ASB5: variants seen among roughly 807,000 people sequenced by gnomAD.
ASB5 encodes ankyrin repeat and SOCS box containing 5, also known as ankyrin repeat and SOCS box protein 5.
A neutral mutation model predicts 42.1 loss-of-function variants in ASB5; 45 were observed. That is an observed-to-expected ratio of 1.07 (90% CI 0.84 to 1.37). ASB5 has a LOEUF of 1.37. ASB5 is among the 40% of genes most tolerant of loss of function. The pLI is 0.00. For missense variants in ASB5, 402 were observed against 399.8 expected, an observed-to-expected ratio of 1.01 and a Z score of -0.05; for synonymous variants, 147 against 150.6, an observed-to-expected ratio of 0.98 and a Z score of 0.18.
chr4:176,242,719 T>A (rs1235638843), intron 1 of ASB5, among the ~76,000 whole-genome samples: 2 of 152,214 alleles, frequency 1.3e-5, no homozygotes, highest in Admixed American at 6.5e-5. Flanking sequence ...TTTTTCACTT[T>A]ATTAATTTCT....
In ASB5 at chr4:176,231,248, A is replaced by G. The variant is rs144960935; in HGVS notation, c.197-5907T>C. Among the ~76,000 whole-genome samples, 1,492 of 152,070 alleles carry G rather than the reference A, an allele frequency of 9.8e-3. 11 individuals are homozygous for G. The highest frequency in any genetic ancestry group is 0.034 in the Middle Eastern group (10 of 294). On this transcript the variant is annotated intron_variant, in intron 1 of 6. Transcript: ENST00000296525. ...TAATTTTTTTTTTTTTTTATCAGCA[A>G]GAAAAGAAAAAATCACTTGTCATTT... is the stretch of plus-strand genomic sequence containing the variant.
chr4:176,224,941 T>A (rs139691246), intron 2 of ASB5, among the ~76,000 whole-genome samples: 171 of 152,370 alleles, frequency 1.1e-3, no homozygotes, highest in Non-Finnish European at 1.9e-3. Context: ...TGTAATTAGC[T>A]GCACATATTG....
chr4:176,217,839 A>T (rs1753016136), intron 5 of ASB5, among the ~76,000 whole-genome samples: 1 of 152,002 alleles, frequency 6.6e-6, no homozygotes, highest in African/African-American at 2.4e-5. Flanking sequence ...AAAAATGCAT[A>T]AGTTCTTTTC....
chr4:176,244,311 A>T (rs750594525), intron 1 of ASB5, among the ~76,000 whole-genome samples: 12 of 152,234 alleles, frequency 7.9e-5, no homozygotes, highest in Non-Finnish European at 1.6e-4. Flanking sequence ...TTGGGGTGAT[A>T]CATGCTTCAT....
At chr4:176,247,777 G>T (rs1381930274) in intron 1 of ASB5, among the ~76,000 whole-genome samples, 1 of 152,148 alleles carries the variant, frequency 6.6e-6, no homozygotes, top group Admixed American at 6.5e-5. Flanking sequence ...CTTAATCAAA[G>T]TGGAAAGGAT....
At chr4:176,227,686 G>T (rs1239074912) in intron 1 of ASB5, among the ~76,000 whole-genome samples, 1 of 152,018 alleles carries the variant, frequency 6.6e-6, no homozygotes, top group Non-Finnish European at 1.5e-5. Flanking sequence ...CTTGCCTAAG[G>T]TCACACAGCT....
At position 176,256,213 on chromosome 4, in the gene ASB5, A is replaced by G. The variant is rs376497475; in HGVS notation, c.196+12700T>C. Reference sequence around the variant, plus strand: ...GAGGCTGAGATTCACACCTGCCTACATCACATAGGAGAAAGCTAGCATCTC... The same window carrying G: ...GAGGCTGAGATTCACACCTGCCTACGTCACATAGGAGAAAGCTAGCATCTC... On this transcript the variant is annotated intron_variant, in intron 1 of 6. Coordinates refer to ENST00000296525, the MANE Select transcript of ASB5 (RefSeq NM_080874.4). Among the ~76,000 whole-genome samples the G allele has an allele frequency of 9.2e-5, 14 of 152,350 alleles. No homozygotes were observed. In the East Asian group the frequency reaches 2.5e-3, roughly 27 times the overall value.
rs980484232 is a variant in ASB5, at chr4:176,268,634, A to T, written c.196+279T>A. ...TTAACTTTTTAAAATGTTTCTTAAT[A>T]GGAATAGATATATTTCTATTACATA... On this transcript the variant is annotated intron_variant, in intron 1 of 6. Transcript: ENST00000296525. Among the ~76,000 whole-genome samples, 14 of 152,246 alleles carry T rather than the reference A, an allele frequency of 9.2e-5. No homozygotes were observed. In the South Asian group the frequency reaches 2.9e-3, roughly 32 times the overall value.
At chr4:176,223,052 A>G (rs1033744414) in intron 2 of ASB5, among the ~76,000 whole-genome samples, 8 of 152,152 alleles carry the variant, frequency 5.3e-5, no homozygotes, top group Non-Finnish European at 1.2e-4. Flanking sequence ...TGCTGGAATT[A>G]CAGGTGTGAG....
At chr4:176,223,213 T>C (rs6814870) in intron 2 of ASB5, among the ~76,000 whole-genome samples, 136,842 of 152,222 alleles carry the variant, frequency 0.9, 61,738 homozygotes, top group Non-Finnish European at 0.94. Flanking sequence ...TGGTTAAGAA[T>C]TCTGACTATA....
In ASB5 at chr4:176,256,052, T is replaced by C. The variant is rs1224272252; in HGVS notation, c.196+12861A>G. Among the ~76,000 whole-genome samples the C allele has an allele frequency of 1.3e-5, 2 of 152,208 alleles. 1 individual carries two copies. Among genetic ancestry groups the C allele is most frequent in the African/African-American group, 4.8e-5 (2 of 41,454 alleles). On this transcript the variant is annotated intron_variant, in intron 1 of 6. Transcript: ENST00000296525. ...TATGTCCTGAAACTTTTAGGGGCTG[T>C]CATATATGGCTGTGTTATTCAAAAA...
At chr4:176,275,048 G>A (rs532263279) in intron 2 of ASB5, among the ~76,000 whole-genome samples, 2 of 151,372 alleles carry the variant, frequency 1.3e-5, no homozygotes, top group African/African-American at 2.4e-5. Flanking sequence ...CTGAGTACCT[G>A]GGATTACAGG....
chr4:176,267,030 C>G (rs1288182327), intron 1 of ASB5, among the ~76,000 whole-genome samples: 2 of 152,124 alleles, frequency 1.3e-5, no homozygotes, highest in Admixed American at 1.3e-4. Context: ...ATGGCCTCCT[C>G]TAAAACTCTT....
intron 1 of ASB5, among the ~76,000 whole-genome samples, chr4:176,233,465 CTCTTAAGATTAGCTAG>C (rs1314523519): frequency 6.6e-6 from 1 of 152,170 alleles, no homozygotes; most frequent in Non-Finnish European, 1.5e-5. Flanking sequence ...CAGCATCTTT[CTCTTAAGATTAGCTAG>C]TCTTTTTTCA....
Position 176,221,593 on chromosome 4 carries a change from G to T in ASB5, c.392C>A (p.Ala131Glu). 1 of 1,610,450 alleles carries T rather than the reference G, an allele frequency of 6.2e-7. No individual in the cohort carries two copies. The highest frequency in any genetic ancestry group is 8.5e-7 in the Non-Finnish European group (1 of 1,177,918). Reference protein sequence around the residue: ...TLLEAGANVNAITIDGVTPLF... With the variant: ...TLLEAGANVNEITIDGVTPLF... ...CGGAGTCACGCCATCTATCGTGATT[G>T]CATTTACCTAAACCAAACCAAAATA... The change falls in exon 4 of 7, where the codon GCA (alanine) becomes GAA (glutamate). Residue 131 changes from alanine to glutamate, a missense_variant. Coordinates refer to ENST00000296525, the MANE Select transcript of ASB5 (RefSeq NM_080874.4).
At chr4:176,254,433 T>G (rs1754108496) in intron 1 of ASB5, among the ~76,000 whole-genome samples, 1 of 152,000 alleles carries the variant, frequency 6.6e-6, no homozygotes, top group Admixed American at 6.6e-5. Flanking sequence ...AATATTTAAA[T>G]GTAGATCCTC....
intron 1 of ASB5, among the ~76,000 whole-genome samples, chr4:176,227,412 G>T (rs1368222852): frequency 1.3e-5 from 2 of 152,150 alleles, no homozygotes; most frequent in African/African-American, 4.8e-5. Context: ...AGGGATTGAT[G>T]ACTGGTAAAT....
upstream of ASB5, among the ~76,000 whole-genome samples, chr4:176,272,585 G>C (rs953851871): frequency 5.9e-5 from 9 of 151,960 alleles, no homozygotes; most frequent in Non-Finnish European, 1.2e-4. Context: ...CTGTACAGCC[G>C]ACCCCTAGGA....
At chr4:176,242,987 T>C (rs1245373631) in intron 1 of ASB5, among the ~76,000 whole-genome samples, 3 of 152,214 alleles carry the variant, frequency 2.0e-5, no homozygotes, top group Non-Finnish European at 2.9e-5. Flanking sequence ...AAATAAAGTT[T>C]TATTGTAACA....
Sources: allele counts gnomAD v4.1 joint callset (sites outside exome capture counted in the v4.1 genomes callset), GRCh38; gene constraint gnomAD v4.1.1; transcripts MANE v1.5; gene names NCBI Gene and HGNC (gene_info 2026-07-23, HGNC 2026-07-21).